RIT2: variants seen among roughly 807,000 people sequenced by gnomAD.
The protein encoded by RIT2 is GTP-binding protein Rit2.
In RIT2, 24 loss-of-function variants were observed where a neutral mutation model predicts 23.7. The ratio of observed to expected loss-of-function variants is 1.01; its 90% CI spans 0.73 to 1.43. The LOEUF (loss-of-function observed/expected upper bound fraction) is 1.43, where lower values mean the gene tolerates loss of function less well. Among genes scored for constraint, RIT2 ranks in the 40% most tolerant of loss-of-function variants. The pLI is 0.00. For missense variants in RIT2, 236 were observed against 266.9 expected, an observed-to-expected ratio of 0.88 and a Z score of 0.81; for synonymous variants, 107 against 91.1, an observed-to-expected ratio of 1.17 and a Z score of -0.99.
chr18:42,989,674 G>A (rs1440514271), intron 2 of RIT2, among the ~76,000 whole-genome samples: 2 of 152,132 alleles, frequency 1.3e-5, no homozygotes, highest in Admixed American at 6.6e-5. Context: ...TGGTTACTGT[G>A]TTGGCCAAGG....
At chr18:42,794,786 A>T (rs1026779620) in intron 4 of RIT2, among the ~76,000 whole-genome samples, 1 of 152,216 alleles carries the variant, frequency 6.6e-6, no homozygotes, top group Non-Finnish European at 1.5e-5. Context: ...CATGTTATTT[A>T]TCAAAAGAGG....
At chr18:43,088,156 C>CTT (rs1323413107) in intron 1 of RIT2, among the ~76,000 whole-genome samples, 1 of 152,098 alleles carries the variant, frequency 6.6e-6, no homozygotes, top group Non-Finnish European at 1.5e-5. Context: ...TTTAATCTCT[C>CTT]TTAGAGAAAC....
At chr18:42,996,838 C>T (rs1910996342) in intron 2 of RIT2, among the ~76,000 whole-genome samples, 1 of 152,132 alleles carries the variant, frequency 6.6e-6, no homozygotes, top group Non-Finnish European at 1.5e-5. Context: ...AATGACTGCC[C>T]ATACCACTTT....
At chr18:42,753,186 A>G (rs1046536851) in intron 4 of RIT2, among the ~76,000 whole-genome samples, 2 of 152,202 alleles carry the variant, frequency 1.3e-5, no homozygotes, top group African/African-American at 4.8e-5. Context: ...ATCCTGGCCA[A>G]TTAGACTTTC....
At chr18:42,814,825 C>T (rs1052989345) in intron 4 of RIT2, among the ~76,000 whole-genome samples, 10 of 152,278 alleles carry the variant, frequency 6.6e-5, no homozygotes, top group South Asian at 2.1e-4. Flanking sequence ...TCTCCTCTCC[C>T]GCCGCCACCT....
rs573571216 is a variant in RIT2 at position 42,879,020 on chromosome 18, C to A, written c.426+44552G>T. Among the ~76,000 whole-genome samples the A allele has an allele frequency of 2.0e-5, 3 of 152,178 alleles. No individual in the cohort carries two copies. In the East Asian group the frequency reaches 5.8e-4, roughly 29 times the overall value. ...TGTTTCTATGTACTTACCACTAATTCAATATCAAAATCTCCTCAAATTATT... is the reference window on the plus strand; with the variant it reads ...TGTTTCTATGTACTTACCACTAATTAAATATCAAAATCTCCTCAAATTATT... On this transcript the variant is annotated intron_variant, in intron 4 of 4. Coordinates refer to ENST00000326695, the MANE Select transcript of RIT2 (RefSeq NM_002930.4).
At position 42,783,574 on chromosome 18, in the gene RIT2, C is replaced by T. The variant is rs1913859189; in HGVS notation, c.427-39854G>A. 2.6e-5 allele frequency among the ~76,000 whole-genome samples: 4 copies of T among 151,822 alleles called. No homozygotes were observed. The South Asian group carries it at 8.3e-4, about 32-fold the overall frequency. On this transcript the variant is annotated intron_variant, in intron 4 of 4. Coordinates refer to ENST00000326695, the MANE Select transcript of RIT2 (RefSeq NM_002930.4). ...TAAGTTTATAATTTTAAAACAAGTT[C>T]CAGAGGCTGGACAGAGGACACAAGG...
At chr18:43,082,447 T>C (rs1358119284) in intron 1 of RIT2, among the ~76,000 whole-genome samples, 1 of 152,130 alleles carries the variant, frequency 6.6e-6, no homozygotes, top group Non-Finnish European at 1.5e-5. Context: ...TTCAGGCCAA[T>C]ATCCCTGATG....
At chr18:42,974,498 A>C (rs1910435956) in intron 2 of RIT2, among the ~76,000 whole-genome samples, 1 of 152,016 alleles carries the variant, frequency 6.6e-6, no homozygotes, top group Non-Finnish European at 1.5e-5. Context: ...GAAAGCTTTT[A>C]TTAGAAGATC....
At chr18:43,114,847 G>C (rs1250537414) in intron 1 of RIT2, among the ~76,000 whole-genome samples, 2 of 151,886 alleles carry the variant, frequency 1.3e-5, no homozygotes, top group Non-Finnish European at 2.9e-5. Context: ...CCCTGCACAG[G>C]ACTCACAATG....
chr18:42,797,960 A>T (rs1190349850), intron 4 of RIT2, among the ~76,000 whole-genome samples: 1 of 152,214 alleles, frequency 6.6e-6, no homozygotes, highest in African/African-American at 2.4e-5. Context: ...TTATTTGCCA[A>T]ATATCAGGTT....
intron 4 of RIT2, among the ~76,000 whole-genome samples, chr18:42,881,155 T>C (rs576813535): frequency 2.1e-4 from 32 of 152,302 alleles, no homozygotes; most frequent in African/African-American, 7.2e-4. Context: ...TCTCTGACAC[T>C]TGTAAACTCA....
At chr18:43,084,220 A>T (rs1337181590) in intron 1 of RIT2, among the ~76,000 whole-genome samples, 1 of 152,196 alleles carries the variant, frequency 6.6e-6, no homozygotes, top group Non-Finnish European at 1.5e-5. Context: ...GTGATCATCA[A>T]AACCTCAAGA....
chr18:43,028,205 T>C (rs1310462563), intron 2 of RIT2, among the ~76,000 whole-genome samples: 1 of 152,124 alleles, frequency 6.6e-6, no homozygotes. Context: ...TGTATGCCTA[T>C]GTGTGTGTTT....
chr18:42,802,622 TG>T (rs1393074935), intron 4 of RIT2, among the ~76,000 whole-genome samples: 1 of 152,234 alleles, frequency 6.6e-6, no homozygotes, highest in Non-Finnish European at 1.5e-5. Context: ...TTATTTATTT[TG>T]TAAACAATTC....
At chr18:42,761,305 C>T (rs1598643537) in intron 4 of RIT2, among the ~76,000 whole-genome samples, 2 of 152,162 alleles carry the variant, frequency 1.3e-5, no homozygotes, top group African/African-American at 4.8e-5. Flanking sequence ...CCAGTCTCCA[C>T]TTCAAGAAGT....
intron 3 of RIT2, among the ~76,000 whole-genome samples, chr18:42,937,493 T>G (rs150349174): frequency 6.6e-6 from 1 of 152,246 alleles, no homozygotes; most frequent in East Asian, 1.9e-4. Context: ...AGTAAAAGCT[T>G]GACTGTGCTG....
At chr18:42,749,270 C>T (rs558063560) in intron 4 of RIT2, among the ~76,000 whole-genome samples, 4 of 151,868 alleles carry the variant, frequency 2.6e-5, no homozygotes, top group South Asian at 2.1e-4. Context: ...ATATTTGAAA[C>T]GAAATGCTAA....
At chr18:42,860,202 T>G (rs1216463694) in intron 4 of RIT2, among the ~76,000 whole-genome samples, 3 of 152,160 alleles carry the variant, frequency 2.0e-5, no homozygotes, top group Non-Finnish European at 4.4e-5. Context: ...CTGTAGAGAT[T>G]AAGTTTCTAG....
Sources: gnomAD v4.1 joint callset for allele counts (sites outside exome capture counted in the v4.1 genomes callset) on GRCh38, gnomAD v4.1.1 for gene constraint, MANE v1.5 for transcripts, NCBI Gene and HGNC (gene_info 2026-07-23, HGNC 2026-07-21) for gene names.